Variants in GARRE1 observed in about 807,000 individuals in gnomAD.
GARRE1 encodes granule associated Rac and RHOG effector protein 1.
Under a neutral mutation model 103.2 loss-of-function variants are expected in GARRE1, and 49 were observed. That is an observed-to-expected ratio of 0.47 (90% CI 0.38 to 0.60). The LOEUF is 0.60. Among genes scored for constraint, GARRE1 ranks in the 20% least tolerant of loss-of-function variants. The probability of loss-of-function intolerance (pLI) is 0.00; values close to 1 mark genes in which losing one functional copy is unlikely to be tolerated. For synonymous variants in GARRE1, 505 were observed against 532.8 expected, an observed-to-expected ratio of 0.95 and a Z score of 0.72; for missense variants, 1,199 against 1,370.5, an observed-to-expected ratio of 0.87 and a Z score of 1.98.
chr19:34,326,795 G>T (rs866506690), intron 3 of GARRE1, among the ~76,000 whole-genome samples: 1 of 151,668 alleles, frequency 6.6e-6, no homozygotes, highest in South Asian at 2.1e-4. Context: ...ATATATATGT[G>T]TGTATATACA....
rs1169746338 is a variant in GARRE1 at position 34,304,969 on chromosome 19, T to C, written c.495+4001T>C. Among the ~76,000 whole-genome samples the C allele has an allele frequency of 5.3e-5, 8 of 152,076 alleles. No individual in the cohort carries two copies. In the East Asian group the frequency reaches 1.6e-3, roughly 30 times the overall value. On this transcript the variant is annotated intron_variant, in intron 2 of 13. Coordinates refer to ENST00000299505, the MANE Select transcript of GARRE1 (RefSeq NM_014686.5). ...ACCACGCCCGGCTAATTTTTTTGTA[T>C]TTTTAGTAGAAACGGGGTTTCACCA...
intron 3 of GARRE1, among the ~76,000 whole-genome samples, chr19:34,321,118 G>A (rs1461548256): frequency 7.3e-6 from 1 of 136,936 alleles, no homozygotes; most frequent in Admixed American, 7.6e-5. Context: ...GTGCAGTGGC[G>A]TGATCTCAGC....
At chr19:34,318,594 G>A (rs561351128) in intron 2 of GARRE1, among the ~76,000 whole-genome samples, 2 of 152,294 alleles carry the variant, frequency 1.3e-5, no homozygotes, top group South Asian at 2.1e-4. Context: ...AATTATTAGG[G>A]AGCAGGATAA....
chr19:34,330,699 G>T (rs908252204), intron 7 of GARRE1, among the ~76,000 whole-genome samples: 5 of 150,208 alleles, frequency 3.3e-5, no homozygotes, highest in African/African-American at 1.2e-4. Context: ...TTTGAAATCA[G>T]CCTGGGCAAC....
chr19:34,279,444 C>A (rs568540188), intron 1 of GARRE1, among the ~76,000 whole-genome samples: 1 of 152,006 alleles, frequency 6.6e-6, no homozygotes, highest in South Asian at 2.1e-4. Flanking sequence ...TAGCTGGGAC[C>A]ACGCCTGGCT....
At chr19:34,348,329 T>C (rs2074222171) in intron 11 of GARRE1, 2 of 280,050 alleles carry the variant, frequency 7.1e-6, no homozygotes, top group Middle Eastern at 9.9e-4. Context: ...ATGATGGTGC[T>C]TGTGAGGTGA....
Position 34,351,526 on chromosome 19 carries a change from T to G in GARRE1, c.2838T>G (p.Ser946Arg). 6.2e-7 allele frequency: 1 copy of G among 1,613,752 alleles called. No individual in the cohort carries two copies. The highest frequency in any genetic ancestry group is 8.5e-7 in the Non-Finnish European group (1 of 1,179,818). Residue 946 changes from serine (S) to arginine (R), a missense_variant, in exon 13 of 14, where the codon AGT becomes AGG. Transcript: ENST00000299505. Reference sequence around the variant, plus strand: ...TTGGTTCTTGCAGGAAACACAGCAGTGGAGAGCAAGACACCAGCACGCTGC... The same window carrying G: ...TTGGTTCTTGCAGGAAACACAGCAGGGGAGAGCAAGACACCAGCACGCTGC... Reference protein sequence around the residue: ...AAVKQRRKHSSGEQDTSTLPS... With the variant: ...AAVKQRRKHSRGEQDTSTLPS...
In GARRE1 at chr19:34,339,888, T is replaced by G. The variant is rs1314177410; in HGVS notation, c.1383T>G (p.Ala461=). 2.2e-5 allele frequency: 35 copies of G among 1,614,024 alleles called. No individual in the cohort carries two copies. Among genetic ancestry groups the G allele is most frequent in the Non-Finnish European group, 2.9e-5 (34 of 1,180,022 alleles). Residue 461 remains alanine (A), a synonymous_variant, in exon 9 of 14, where the codon GCT becomes GCG. Transcript: ENST00000299505. Reference sequence around the variant, plus strand: ...CTAGGTGCCTGAAAGAAGACCCTGCTACCATGTCCCTGCTGCAGAGAAGCC... The same window carrying G: ...CTAGGTGCCTGAAAGAAGACCCTGCGACCATGTCCCTGCTGCAGAGAAGCC... The part of the protein sequence containing the change: ...PSTWCLKEDP[A]TMSLLQRSLD...
intron 1 of GARRE1, among the ~76,000 whole-genome samples, chr19:34,268,359 G>A (rs1276958613): frequency 6.6e-6 from 1 of 152,120 alleles, no homozygotes; most frequent in African/African-American, 2.4e-5. Context: ...CCTTGGCGGG[G>A]ATTTGCCCCT....
At position 34,278,002 on chromosome 19, in the gene GARRE1, A is replaced by T. The variant is rs80346785; in HGVS notation, c.-795-21677A>T. Among the ~76,000 whole-genome samples the T allele has an allele frequency of 7.5e-3, 1,092 of 145,968 alleles. 15 individuals are homozygous for T. Among genetic ancestry groups the T allele is most frequent in the Middle Eastern group, 0.022 (6 of 278 alleles). ...GGAATTTTTCTTAATATCATTATTG[A>T]CTCACTTTTTTTATTGTGGTAGAAT... On this transcript the variant is annotated intron_variant, in intron 1 of 13. Transcript: ENST00000299505.
chr19:34,262,777 C>T (rs1191298462), intron 1 of GARRE1, among the ~76,000 whole-genome samples: 2 of 152,166 alleles, frequency 1.3e-5, no homozygotes, highest in Non-Finnish European at 2.9e-5. Context: ...TTAATAAAAA[C>T]AGGACAGGTG....
chr19:34,262,222 A>G (rs2073722556), intron 1 of GARRE1, among the ~76,000 whole-genome samples: 1 of 136,504 alleles, frequency 7.3e-6, no homozygotes, highest in African/African-American at 2.7e-5. Flanking sequence ...TTACCTTGTG[A>G]TCCGCCCACC....
chr19:34,334,995 A>T (rs1248607585), intron 8 of GARRE1, among the ~76,000 whole-genome samples: 3 of 152,002 alleles, frequency 2.0e-5, no homozygotes, highest in African/African-American at 7.2e-5. Context: ...GTGAGCCGAG[A>T]TCGTGCCACT....
intron 6 of GARRE1, 89 bp downstream of exon 6, chr19:34,328,240 TA>T (rs554662022): frequency 0.014 from 16,533 of 1,216,836 alleles, no homozygotes; most frequent in South Asian, 0.017. Flanking sequence ...GGATGTAGAT[TA>T]AAAAAAAAAT....
At chr19:34,313,394 C>G (rs1168990088) in intron 2 of GARRE1, among the ~76,000 whole-genome samples, 4 of 152,184 alleles carry the variant, frequency 2.6e-5, no homozygotes, top group Non-Finnish European at 5.9e-5. Context: ...GAGGCCTCCT[C>G]TCCACCCCAT....
intron 1 of GARRE1, among the ~76,000 whole-genome samples, chr19:34,274,714 T>C (rs2073806857): frequency 6.6e-6 from 1 of 152,070 alleles, no homozygotes; most frequent in Non-Finnish European, 1.5e-5. Flanking sequence ...GCACTTAAGG[T>C]CTATCAGAGG....
Position 34,348,165 on chromosome 19 carries a change from T to C in GARRE1, c.2687+123T>C, listed in dbSNP as rs1379492074. ...CAGGCAGTTCAATTCCAAGCCCCCA[T>C]GTGAGAGAGTGACATGGGATGAAAT... On this transcript the variant is annotated intron_variant, in intron 11 of 13. Coordinates refer to ENST00000299505, the MANE Select transcript of GARRE1 (RefSeq NM_014686.5). 6.2e-6 allele frequency: 5 copies of C among 806,328 alleles called. No individual in the cohort carries two copies. The East Asian group carries it at 1.0e-4, about 16-fold the overall frequency. The allele number at this position is 806,328 out of a possible 1,614,324, so 49.9% of individuals were successfully genotyped here.
In GARRE1 at chr19:34,328,132, A is replaced by G. The variant is rs964434157; in HGVS notation, c.1085A>G (p.Asp362Gly). 5.0e-6 allele frequency: 8 copies of G among 1,613,878 alleles called. No individual in the cohort carries two copies. Among genetic ancestry groups the G allele is most frequent in the Non-Finnish European group, 6.8e-6 (8 of 1,180,026 alleles). ...KGVSFNESAA[D>G]NLKLKTHTML... is the part of the protein sequence containing the mutation. ...GTCTCCTTTAATGAGTCGGCCGCCG[A>G]CAATCTGAAACTTAAGACGGTAGCT... The change falls in exon 6 of 14, where the codon GAC becomes GGC. Residue 362 changes from aspartate (D) to glycine (G), a missense_variant. Transcript: ENST00000299505.
chr19:34,342,264 A>G lies in GARRE1; in HGVS notation c.2330A>G (p.Gln777Arg). 6.2e-7 allele frequency: 1 copy of G among 1,614,216 alleles called. No homozygotes were observed. Among genetic ancestry groups the G allele is most frequent in the Non-Finnish European group, 8.5e-7 (1 of 1,180,038 alleles). ...AVGAGLSPLG[Q>R]WPGISDLSSD... ...GGAGCAGGTCTGTCTCCTCTTGGTC[A>G]GTGGCCTGGCATATCTGATCTCAGT... The change falls in exon 10 of 14, where the codon CAG becomes CGG. Residue 777 changes from glutamine (Q) to arginine (R), a missense_variant. Coordinates refer to ENST00000299505, the MANE Select transcript of GARRE1 (RefSeq NM_014686.5).
Sources: allele counts gnomAD v4.1 joint callset (sites outside exome capture counted in the v4.1 genomes callset), GRCh38; gene constraint gnomAD v4.1.1; transcripts MANE v1.5; gene names NCBI Gene and HGNC (gene_info 2026-07-23, HGNC 2026-07-21).